ADCY5: variants seen among roughly 807,000 people sequenced by gnomAD.
ADCY5 encodes the protein adenylate cyclase 5.
A neutral mutation model predicts 119.7 loss-of-function variants in ADCY5; 30 were observed. That is an observed-to-expected ratio of 0.25 (90% CI 0.19 to 0.34). The LOEUF (loss-of-function observed/expected upper bound fraction) is 0.34. Ranked by LOEUF, ADCY5 falls within the 10% of genes least tolerant of loss-of-function variation. ADCY5 has a pLI of 1.00. For synonymous variants in ADCY5, 753 were observed against 762.2 expected, an observed-to-expected ratio of 0.99 and a Z score of 0.20; for missense variants, 1,324 against 1,775.2, an observed-to-expected ratio of 0.75 and a Z score of 4.57.
At chr3:123,333,428 G>A (rs919846489) in intron 3 of ADCY5, among the ~76,000 whole-genome samples, 10 of 152,240 alleles carry the variant, frequency 6.6e-5, no homozygotes, top group African/African-American at 1.9e-4. Flanking sequence ...GCCAGGGCCC[G>A]GCCTGGAGCT....
intron 1 of ADCY5, among the ~76,000 whole-genome samples, chr3:123,425,090 G>A (rs1335386533): frequency 2.0e-5 from 3 of 149,200 alleles, no homozygotes; most frequent in African/African-American, 5.0e-5. Context: ...TAGGGTAACT[G>A]AGCACTGCAG....
chr3:123,292,655 G>A (rs565586346), intron 17 of ADCY5, among the ~76,000 whole-genome samples: 7 of 152,232 alleles, frequency 4.6e-5, no homozygotes, highest in South Asian at 2.1e-4. Context: ...CATGTCCCTC[G>A]CCATGAATAA....
At chr3:123,318,914 G>A (rs1239967332) in intron 10 of ADCY5, among the ~76,000 whole-genome samples, 1 of 152,210 alleles carries the variant, frequency 6.6e-6, no homozygotes, top group African/African-American at 2.4e-5. Context: ...ATGCAACAGA[G>A]AGATCTTGAC....
intron 1 of ADCY5, among the ~76,000 whole-genome samples, chr3:123,370,049 G>A (rs1943578755): frequency 6.6e-6 from 1 of 152,048 alleles, no homozygotes; most frequent in African/African-American, 2.4e-5. Flanking sequence ...TCTCTCCCAG[G>A]GCCAATGGAG....
intron 7 of ADCY5, 107 bp downstream of exon 7, chr3:123,327,511 G>T: frequency 8.1e-7 from 1 of 1,236,538 alleles, no homozygotes; most frequent in Non-Finnish European, 1.1e-6. Flanking sequence ...AACTGCATAA[G>T]AAATTCATGA....
chr3:123,428,879 C>T (rs889115752), intron 1 of ADCY5, among the ~76,000 whole-genome samples: 2 of 152,188 alleles, frequency 1.3e-5, no homozygotes, highest in Admixed American at 6.5e-5. Context: ...TGCACACCTA[C>T]GTTTGTGAGC....
intron 11 of ADCY5, among the ~76,000 whole-genome samples, chr3:123,315,983 G>A (rs986927148): frequency 2.0e-5 from 3 of 152,198 alleles, no homozygotes; most frequent in African/African-American, 7.2e-5. Flanking sequence ...CAGTGCAGGG[G>A]TCAACCAGGG....
At chr3:123,288,128 G>A (rs1278699028) in intron 19 of ADCY5, among the ~76,000 whole-genome samples, 1 of 152,210 alleles carries the variant, frequency 6.6e-6, no homozygotes, top group African/African-American at 2.4e-5. Flanking sequence ...ATGCAAACCT[G>A]GCCAAGCCCA....
At chr3:123,381,285 T>C (rs1944021852) in intron 1 of ADCY5, among the ~76,000 whole-genome samples, 1 of 152,226 alleles carries the variant, frequency 6.6e-6, no homozygotes, top group African/African-American at 2.4e-5. Flanking sequence ...GAGCTTGGCA[T>C]CTGCTTCAGC....
At chr3:123,320,652 C>T in intron 9 of ADCY5, 97 bp downstream of exon 9, 1 of 1,500,602 alleles carries the variant, frequency 6.7e-7, no homozygotes, top group South Asian at 1.1e-5. Context: ...CAAGAGGAGT[C>T]ATTTTCCATG....
In ADCY5 at chr3:123,375,244, A is replaced by C. The variant is rs548844872; in HGVS notation, c.1135-22663T>G. 3.3e-5 allele frequency among the ~76,000 whole-genome samples: 5 copies of C among 152,382 alleles called. No homozygotes were observed. The East Asian group carries it at 9.6e-4, about 29-fold the overall frequency. On this transcript the variant is annotated intron_variant, in intron 1 of 20. Coordinates refer to ENST00000462833, the MANE Select transcript of ADCY5 (RefSeq NM_183357.3). ...TTATCTTCCAGTCTGTGTGTGTGAA[A>C]GTATGCATGAGTGTGTCAAGAACCT...
intron 3 of ADCY5, among the ~76,000 whole-genome samples, chr3:123,345,765 G>GACACACACACACACACAC (rs1491192654): frequency 6.9e-4 from 93 of 135,420 alleles, no homozygotes; most frequent in Middle Eastern, 3.5e-3. Context: ...CAGACAGACA[G>GACACACACACACACACAC]ACAGACACAC....
intron 14 of ADCY5, 78 bp downstream of exon 14, chr3:123,302,977 T>C (rs901017022): frequency 1.3e-6 from 2 of 1,541,176 alleles, no homozygotes; most frequent in African/African-American, 1.4e-5. Context: ...CTTCAGACTG[T>C]CCTGAGCAGC....
intron 1 of ADCY5, among the ~76,000 whole-genome samples, chr3:123,400,420 G>C (rs187547167): frequency 2.0e-5 from 3 of 152,282 alleles, no homozygotes; most frequent in Admixed American, 6.5e-5. Context: ...TTCTGCTTCT[G>C]AGAATCCTAA....
chr3:123,312,436 C>T (rs566740508), intron 12 of ADCY5, among the ~76,000 whole-genome samples: 4 of 151,282 alleles, frequency 2.6e-5, no homozygotes, highest in South Asian at 2.1e-4. Flanking sequence ...CATTTTTAAG[C>T]GTACCATTCA....
Position 123,448,554 on chromosome 3 carries a change from C to A in ADCY5, c.-9G>T. On this transcript the variant is annotated 5_prime_UTR_variant, in exon 1 of 21. Transcript: ENST00000462833. ...CTTTTGGAGCCGGACATCCCCCCCT[C>A]GGCCTCGTCGTCTCCTTCCTCCTCC... 1.6e-6 allele frequency: 2 copies of A among 1,262,186 alleles called. No homozygotes were observed. Among genetic ancestry groups the A allele is most frequent in the Non-Finnish European group, 2.0e-6 (2 of 1,005,492 alleles). 78.2% of individuals were successfully genotyped at this position (1,262,186 alleles called of 1,614,324 possible). A position where few individuals can be genotyped will look rare whatever the true frequency, so the allele number is the denominator to read the frequency against.
chr3:123,311,141 G>C (rs1285882297), intron 12 of ADCY5, among the ~76,000 whole-genome samples: 2 of 152,240 alleles, frequency 1.3e-5, no homozygotes, highest in East Asian at 3.8e-4. Context: ...ACTGGCTTGG[G>C]GGTAATTTAG....
At chr3:123,416,123 A>G (rs1325816391) in intron 1 of ADCY5, 11 of 1,525,830 alleles carry the variant, frequency 7.2e-6, no homozygotes, top group Non-Finnish European at 9.7e-6. Context: ...GGCAAAGGAG[A>G]AGGAGAATCA....
rs1938537580 is a variant in ADCY5, at chr3:123,283,782, T to TGC, written c.*825_*826insGC. 1 of 142,082 alleles carries TGC rather than the reference T, an allele frequency of 7.0e-6. No homozygotes were observed. Among genetic ancestry groups the TGC allele is most frequent in the African/African-American group, 3.1e-5 (1 of 32,372 alleles). 8.8% of individuals were successfully genotyped at this position (142,082 alleles called of 1,614,324 possible). On this transcript the variant is annotated 3_prime_UTR_variant, in exon 21 of 21. Transcript: ENST00000462833. Reference sequence around the variant, plus strand: ...AATTTACAAAATATAGAATTTGGCATATCTATCTGTGAGATCTCCAAGGCT... The same window carrying TGC: ...AATTTACAAAATATAGAATTTGGCATGCATCTATCTGTGAGATCTCCAAGGCT...
Sources: gnomAD v4.1 joint callset for allele counts (sites outside exome capture counted in the v4.1 genomes callset) on GRCh38, gnomAD v4.1.1 for gene constraint, MANE v1.5 for transcripts, NCBI Gene and HGNC (gene_info 2026-07-23, HGNC 2026-07-21) for gene names.